TMEM132C: variants seen among roughly 807,000 people sequenced by gnomAD.
TMEM132C encodes transmembrane protein 132C.
A neutral mutation model predicts 61.4 loss-of-function variants in TMEM132C; 29 were observed. The observed-to-expected ratio is 0.47, with a 90% CI of 0.35 to 0.64. The LOEUF is 0.64. TMEM132C is among the 30% of genes least tolerant of loss of function. The pLI is 0.00. For missense variants in TMEM132C, 1,408 were observed against 1,476.9 expected, an observed-to-expected ratio of 0.95 and a Z score of 0.76; for synonymous variants, 656 against 633.1, an observed-to-expected ratio of 1.04 and a Z score of -0.54.
At chr12:128,407,369 T>C (rs1875379997) in intron 1 of TMEM132C, among the ~76,000 whole-genome samples, 1 of 152,212 alleles carries the variant, frequency 6.6e-6, no homozygotes. Context: ...TTACCCAGTC[T>C]CGGGTATTTC....
At chr12:128,633,330 A>T (rs925629474) in intron 4 of TMEM132C, among the ~76,000 whole-genome samples, 7 of 152,194 alleles carry the variant, frequency 4.6e-5, no homozygotes, top group Non-Finnish European at 7.3e-5. Flanking sequence ...GATTATACAC[A>T]GGGTGTGATT....
At chr12:128,413,361 T>A (rs752117088) in intron 1 of TMEM132C, among the ~76,000 whole-genome samples, 1 of 151,106 alleles carries the variant, frequency 6.6e-6, no homozygotes, top group Non-Finnish European at 1.5e-5. Flanking sequence ...ATGTGTTTTC[T>A]GATTGCCAGA....
intron 3 of TMEM132C, among the ~76,000 whole-genome samples, chr12:128,586,793 T>C (rs1354915722): frequency 6.6e-6 from 1 of 152,256 alleles, no homozygotes; most frequent in Non-Finnish European, 1.5e-5. Context: ...AAGCCACGTC[T>C]GGCTCATGCT....
At chr12:128,364,983 A>G (rs532868585) in intron 1 of TMEM132C, among the ~76,000 whole-genome samples, 1 of 152,324 alleles carries the variant, frequency 6.6e-6, no homozygotes, top group South Asian at 2.1e-4. Flanking sequence ...AGGTGTCCCC[A>G]GTGCTTTTCC....
At chr12:128,443,141 T>TGA (rs375633151) in intron 2 of TMEM132C, among the ~76,000 whole-genome samples, 80 of 148,570 alleles carry the variant, frequency 5.4e-4, no homozygotes, top group African/African-American at 1.2e-3. Flanking sequence ...ATATATATAT[T>TGA]GAGAGAGAGA....
chr12:128,536,930 A>C (rs1036359433), intron 2 of TMEM132C, among the ~76,000 whole-genome samples: 11 of 152,254 alleles, frequency 7.2e-5, no homozygotes, highest in Non-Finnish European at 1.6e-4. Context: ...TGTAGCCTCC[A>C]GCCAGAAGCA....
chr12:128,487,740 C>T (rs979428306), intron 2 of TMEM132C, among the ~76,000 whole-genome samples: 9 of 152,006 alleles, frequency 5.9e-5, no homozygotes, highest in Non-Finnish European at 1.2e-4. Context: ...GTGTTCCAGT[C>T]ACCCTTGGAA....
At chr12:128,381,163 A>G (rs1048072512) in intron 1 of TMEM132C, among the ~76,000 whole-genome samples, 8 of 152,248 alleles carry the variant, frequency 5.3e-5, no homozygotes, top group African/African-American at 1.9e-4. Context: ...CAACGCGGGC[A>G]TATTTGACCT....
At chr12:128,627,020 G>A (rs1402640991) in intron 4 of TMEM132C, among the ~76,000 whole-genome samples, 1 of 152,106 alleles carries the variant, frequency 6.6e-6, no homozygotes, top group Non-Finnish European at 1.5e-5. Context: ...TGCAGATGCT[G>A]CCAGCTCTCC....
In TMEM132C at chr12:128,694,048, G is replaced by T; in HGVS notation, c.1655+14G>T. The T allele has an allele frequency of 3.2e-6, 5 of 1,551,084 alleles. No individual in the cohort carries two copies. The highest frequency in any genetic ancestry group is 3.5e-6 in the Non-Finnish European group (4 of 1,146,674). On this transcript the variant is annotated intron_variant, in intron 6 of 8. Transcript: ENST00000435159. ...GACCAATAAGAGGTGAGCCTCGGAT[G>T]GGGAGATGCCCTAGAGCCAAAACAA...
chr12:128,403,207 T>C (rs952836048), intron 1 of TMEM132C, among the ~76,000 whole-genome samples: 1 of 152,206 alleles, frequency 6.6e-6, no homozygotes, highest in Non-Finnish European at 1.5e-5. Flanking sequence ...GTCTGGGGAA[T>C]GTTAATAAAT....
At chr12:128,386,278 G>A (rs978722867) in intron 1 of TMEM132C, among the ~76,000 whole-genome samples, 5 of 152,154 alleles carry the variant, frequency 3.3e-5, no homozygotes, top group Non-Finnish European at 5.9e-5. Flanking sequence ...TCTGAAAGTG[G>A]CACCGTTTCT....
At chr12:128,314,562 A>C (rs563822646) in intron 1 of TMEM132C, among the ~76,000 whole-genome samples, 10 of 152,288 alleles carry the variant, frequency 6.6e-5, no homozygotes, top group Non-Finnish European at 1.2e-4. Context: ...GAGTCATTGC[A>C]GATATAATTA....
At chr12:128,456,101 C>T (rs536039133) in intron 2 of TMEM132C, among the ~76,000 whole-genome samples, 5 of 152,076 alleles carry the variant, frequency 3.3e-5, no homozygotes, top group East Asian at 3.9e-4. Context: ...GAGAGGAGGA[C>T]GTTGATTGTT....
At chr12:128,318,864 T>C (rs1187704536) in intron 1 of TMEM132C, among the ~76,000 whole-genome samples, 3 of 152,150 alleles carry the variant, frequency 2.0e-5, no homozygotes. Context: ...AATTTGTTGC[T>C]CCAAGAAAAG....
intron 2 of TMEM132C, among the ~76,000 whole-genome samples, chr12:128,423,704 T>C (rs1304754010): frequency 6.8e-6 from 1 of 147,094 alleles, no homozygotes; most frequent in African/African-American, 2.5e-5. Flanking sequence ...ACCCTGTCTC[T>C]TAAAAAAAAG....
At chr12:128,526,332 G>A (rs1247615585) in intron 2 of TMEM132C, among the ~76,000 whole-genome samples, 1 of 152,178 alleles carries the variant, frequency 6.6e-6, no homozygotes, top group African/African-American at 2.4e-5. Context: ...AGAGTCCAGT[G>A]AAGGTACCTT....
intron 4 of TMEM132C, among the ~76,000 whole-genome samples, chr12:128,617,111 G>A (rs1254060558): frequency 2.0e-5 from 3 of 152,196 alleles, no homozygotes; most frequent in Non-Finnish European, 4.4e-5. Context: ...AACATTTTGA[G>A]TAGATGCCCA....
intron 1 of TMEM132C, among the ~76,000 whole-genome samples, chr12:128,291,503 G>A (rs937107518): frequency 6.6e-6 from 1 of 152,238 alleles, no homozygotes; most frequent in African/African-American, 2.4e-5. Flanking sequence ...ATGATGCTGG[G>A]ATTCCCAGAA....
Sources: allele counts gnomAD v4.1 joint callset (sites outside exome capture counted in the v4.1 genomes callset), GRCh38; gene constraint gnomAD v4.1.1; transcripts MANE v1.5; gene names NCBI Gene and HGNC (gene_info 2026-07-23, HGNC 2026-07-21).